ITGB6: variants seen among roughly 807,000 people sequenced by gnomAD.
ITGB6 encodes integrin beta-6.
Under a neutral mutation model 84.5 loss-of-function variants are expected in ITGB6, and 80 were observed. The observed-to-expected ratio is 0.95, with a 90% CI of 0.79 to 1.14. The LOEUF (loss-of-function observed/expected upper bound fraction) is 1.14. ITGB6 is among the 50% of genes most tolerant of loss of function. ITGB6 has a pLI of 0.00. For synonymous variants in ITGB6, 383 were observed against 354.9 expected (o/e 1.08, Z -0.89); for missense variants, 1,006 against 968.0 (o/e 1.04, Z -0.52).
Position 160,101,712 on chromosome 2 carries a change from A to G in ITGB6, c.*24T>C, listed in dbSNP as rs1025112706. The G allele has an allele frequency of 6.4e-6, 8 of 1,257,996 alleles. No homozygotes were observed. The Admixed American group carries it at 1.0e-4, about 16-fold the overall frequency. 77.9% of individuals were successfully genotyped at this position (1,257,996 alleles called of 1,614,324 possible). On this transcript the variant is annotated 3_prime_UTR_variant, in exon 15 of 15. Transcript: ENST00000283249. ...TTAACATTTCATATCAGTGAAACAG[A>G]CTTTTTTCATGCATAAAGTAGTTCT...
intron 4 of ITGB6, among the ~76,000 whole-genome samples, chr2:160,187,110 T>C (rs1315421074): frequency 6.6e-6 from 1 of 152,046 alleles, no homozygotes; most frequent in Non-Finnish European, 1.5e-5. Context: ...GAACTTAAAG[T>C]ATAATAATAA....
At chr2:160,196,682 T>A (rs1686355568) in intron 2 of ITGB6, among the ~76,000 whole-genome samples, 1 of 151,816 alleles carries the variant, frequency 6.6e-6, no homozygotes, top group Admixed American at 6.6e-5. Flanking sequence ...CAATTGCATG[T>A]GTGTGTGTGT....
chr2:160,117,546 C>T (rs1228437206), intron 12 of ITGB6, among the ~76,000 whole-genome samples: 1 of 152,062 alleles, frequency 6.6e-6, no homozygotes, highest in Admixed American at 6.5e-5. Context: ...GCACTAAATG[C>T]CCACAAGAGA....
intron 4 of ITGB6, among the ~76,000 whole-genome samples, chr2:160,186,680 G>A (rs1685910396): frequency 6.6e-6 from 1 of 152,120 alleles, no homozygotes; most frequent in East Asian, 1.9e-4. Flanking sequence ...GTTTACTGTG[G>A]CACTGTTCAA....
intron 4 of ITGB6, among the ~76,000 whole-genome samples, chr2:160,189,441 C>T (rs1331715052): frequency 3.3e-5 from 5 of 151,970 alleles, no homozygotes; most frequent in Non-Finnish European, 7.4e-5. Context: ...AGAAAATTTT[C>T]GCAACCTACT....
intron 1 of ITGB6, 70 bp downstream of exon 1, chr2:160,199,933 G>T: frequency 8.4e-7 from 1 of 1,196,244 alleles, no homozygotes; most frequent in Non-Finnish European, 1.2e-6. Flanking sequence ...TTCAGATCTA[G>T]TTTCTGAACC....
chr2:160,118,523 TAA>T (rs1682884018), intron 12 of ITGB6, among the ~76,000 whole-genome samples: 1 of 151,952 alleles, frequency 6.6e-6, no homozygotes. Flanking sequence ...CTCAAAATAA[TAA>T]GAGCTATTTA....
intron 7 of ITGB6, among the ~76,000 whole-genome samples, chr2:160,165,216 T>A (rs1188943462): frequency 6.6e-6 from 1 of 152,190 alleles, no homozygotes; most frequent in Non-Finnish European, 1.5e-5. Context: ...ATCTAGACTA[T>A]GCCCTAAAAT....
chr2:160,107,918 G>A, intron 13 of ITGB6, 73 bp from the exon 14 acceptor site: 1 of 1,286,530 alleles, frequency 7.8e-7, no homozygotes, highest in Non-Finnish European at 1.1e-6. Context: ...TTTCTTGTTG[G>A]ATTTTCATCT....
intron 4 of ITGB6, among the ~76,000 whole-genome samples, chr2:160,181,136 A>G (rs1296476847): frequency 6.6e-6 from 1 of 152,136 alleles, no homozygotes; most frequent in African/African-American, 2.4e-5. Flanking sequence ...CCAGCGAGAC[A>G]GAACCGTTCA....
chr2:160,137,662 C>T lies in ITGB6; in HGVS notation c.1432G>A (p.Val478Met). ...ATGTGGCCAGGGTGGCAGGCACACACCCCACACTGGAAAGAGCCGTTCCCG... is the reference window on the plus strand; with the variant it reads ...ATGTGGCCAGGGTGGCAGGCACACATCCCACACTGGAAAGAGCCGTTCCCG... The part of the protein sequence containing the change: ...HHGNGSFQCG[V>M]CACHPGHMGP... Residue 478 changes from valine (V) to methionine (M), a missense_variant, in exon 10 of 15, where the codon GTG becomes ATG. Transcript: ENST00000283249. 2 of 1,614,222 alleles carry T rather than the reference C, an allele frequency of 1.2e-6. No homozygotes were observed. Among genetic ancestry groups the T allele is most frequent in the Non-Finnish European group, 1.7e-6 (2 of 1,180,030 alleles).
intron 2 of ITGB6, among the ~76,000 whole-genome samples, chr2:160,196,867 A>G (rs1686363106): frequency 6.6e-6 from 1 of 151,988 alleles, no homozygotes; most frequent in Non-Finnish European, 1.5e-5. Context: ...TAGATTTGGG[A>G]ATTGACACAC....
At chr2:160,114,374 A>C (rs962915890) in intron 12 of ITGB6, among the ~76,000 whole-genome samples, 1 of 152,188 alleles carries the variant, frequency 6.6e-6, no homozygotes, top group Non-Finnish European at 1.5e-5. Context: ...GTGAATGTCT[A>C]CAGTGCTGCT....
rs1212478399 is a variant in ITGB6, at chr2:160,126,449, T to G, written c.1813A>C (p.Thr605Pro). ...GDCVCGKCVC[T>P]NPGASGPTCE... ...GTTGGTCCTGAGGCTCCAGGGTTTG[T>G]GCAAACACACTTGCCACAAACACAG... Residue 605 changes from threonine to proline, a missense_variant, in exon 11 of 15, where the codon ACA (threonine) becomes CCA (proline). Physicochemically the swap from Thr to Pro is conservative, Grantham distance 38. Coordinates refer to ENST00000283249, the MANE Select transcript of ITGB6 (RefSeq NM_000888.5). 1 of 1,614,192 alleles carries G rather than the reference T, an allele frequency of 6.2e-7. No individual in the cohort carries two copies. The highest frequency in any genetic ancestry group is 1.7e-5 in the Admixed American group (1 of 60,024).
Position 160,195,518 on chromosome 2 carries a change from G to A in ITGB6, c.444C>T (p.Asp148=), listed in dbSNP as rs1392505933. The change falls in exon 4 of 15, where the codon GAC becomes GAT. Residue 148 remains aspartate (D), a synonymous_variant. Coordinates refer to ENST00000283249, the MANE Select transcript of ITGB6 (RefSeq NM_000888.5). ...LMDLSASMDD[D]LNTIKELGSR... ...AGCCCAGCTCCTTTATTGTGTTGAG[G>A]TCGTCATCCATGGAGGCGGAGAGGT... The A allele has an allele frequency of 6.2e-7, 1 of 1,614,132 alleles. No homozygotes were observed. Among genetic ancestry groups the A allele is most frequent in the Non-Finnish European group, 8.5e-7 (1 of 1,180,014 alleles).
intron 14 of ITGB6, among the ~76,000 whole-genome samples, chr2:160,105,627 CT>C (rs1309000347): frequency 1.3e-5 from 2 of 152,304 alleles, no homozygotes; most frequent in Non-Finnish European, 1.5e-5. Context: ...CTTAGTTTAG[CT>C]CTTCAAAATG....
chr2:160,119,333 A>T (rs1174127270), intron 12 of ITGB6, among the ~76,000 whole-genome samples: 1 of 152,206 alleles, frequency 6.6e-6, no homozygotes, highest in Non-Finnish European at 1.5e-5. Context: ...GATCAATGGG[A>T]TAGAACAGAG....
intron 13 of ITGB6, among the ~76,000 whole-genome samples, chr2:160,110,986 G>C (rs1305598935): frequency 6.6e-6 from 1 of 152,172 alleles, no homozygotes; most frequent in African/African-American, 2.4e-5. Flanking sequence ...AAAGCATGGG[G>C]ATAATAACAC....
At chr2:160,199,305 C>T (rs1328968752) in intron 1 of ITGB6, 47 bp from the exon 2 acceptor site, 6 of 1,435,510 alleles carry the variant, frequency 4.2e-6, no homozygotes, top group Non-Finnish European at 4.9e-6. Context: ...CACTTTCAGT[C>T]ATTCCATTTA....
Sources: gnomAD v4.1 joint callset for allele counts (sites outside exome capture counted in the v4.1 genomes callset) on GRCh38, gnomAD v4.1.1 for gene constraint, MANE v1.5 for transcripts, NCBI Gene and HGNC (gene_info 2026-07-23, HGNC 2026-07-21) for gene names.